PPID: variants seen among roughly 807,000 people sequenced by gnomAD.
The protein encoded by PPID is peptidyl-prolyl cis-trans isomerase D.
Under a neutral mutation model 48.1 loss-of-function variants are expected in PPID, and 47 were observed. The ratio of observed to expected loss-of-function variants is 0.98; its 90% CI spans 0.77 to 1.25. PPID has a LOEUF of 1.25. PPID is among the 50% of genes most tolerant of loss of function. PPID has a pLI of 0.00. For missense variants in PPID, 429 were observed against 443.5 expected (o/e 0.97, Z 0.29); for synonymous variants, 163 against 148.8 (o/e 1.10, Z -0.69).
At chr4:158,711,417 T>G in intron 7 of PPID, among the ~76,000 whole-genome samples, 1 of 150,704 alleles carries the variant, frequency 6.6e-6, no homozygotes. Flanking sequence ...AGAGACAGGG[T>G]TTCACCATGT....
intron 1 of PPID, 150 bp downstream of exon 1, chr4:158,723,054 G>A: frequency 1.3e-6 from 1 of 742,138 alleles, no homozygotes; most frequent in Admixed American, 2.2e-5. Flanking sequence ...TAGATCTCCG[G>A]GCCTGCTCCG....
At chr4:158,712,492 C>T (rs980914926) in intron 7 of PPID, among the ~76,000 whole-genome samples, 1 of 152,170 alleles carries the variant, frequency 6.6e-6, no homozygotes, top group African/African-American at 2.4e-5. Context: ...CACGGTGGCT[C>T]ACACCTGTAA....
chr4:158,719,317 T>C (rs1774918984), intron 2 of PPID, 31 bp from the exon 3 acceptor site: 8 of 1,401,094 alleles, frequency 5.7e-6, no homozygotes, highest in Admixed American at 3.4e-5. Context: ...TATTAGTGAC[T>C]GAGACATGGA....
In PPID at chr4:158,723,359, G is replaced by C. The variant is rs1477037464; in HGVS notation, c.-71C>G. 9 of 1,465,998 alleles carry C rather than the reference G, an allele frequency of 6.1e-6. No homozygotes were observed. The Admixed American group carries it at 1.1e-4, about 17-fold the overall frequency. The allele number at this position is 1,465,998 out of a possible 1,614,324, so 90.8% of individuals were successfully genotyped here. Reference sequence around the variant, plus strand: ...GGCCGCCCGGGCCGCCCAAACTCCAGAGTCCGTCTCCGCCGGAGACCGGCA... The same window carrying C: ...GGCCGCCCGGGCCGCCCAAACTCCACAGTCCGTCTCCGCCGGAGACCGGCA... On this transcript the variant is annotated 5_prime_UTR_variant, in exon 1 of 10. Coordinates refer to ENST00000307720, the MANE Select transcript of PPID (RefSeq NM_005038.3).
Position 158,713,163 on chromosome 4 carries a change from G to A in PPID, c.850C>T (p.Leu284=), listed in dbSNP as rs754707336. The change falls in exon 7 of 10, where the codon CTG becomes TTG. Residue 284 remains leucine, a synonymous_variant. Transcript: ENST00000307720. ...GCTCCCTGCCAATTTGACATCTTCA[G>A]TTTACAAGCACCAATATTCAGTACA... ...SCVLNIGACK[L]KMSNWQGAID... The A allele has an allele frequency of 2.5e-6, 4 of 1,614,054 alleles. No individual in the cohort carries two copies. The South Asian group carries it at 3.3e-5, about 13-fold the overall frequency.
Position 158,710,767 on chromosome 4 carries a change from C to T in PPID, c.976G>A (p.Ala326Thr), listed in dbSNP as rs1159307954. The change falls in exon 8 of 10, where the codon GCA (alanine) becomes ACA (threonine). Residue 326 changes from alanine (A) to threonine (T), a missense_variant. By Grantham distance (58) the Ala-to-Thr change is moderately conservative. Coordinates refer to ENST00000307720, the MANE Select transcript of PPID (RefSeq NM_005038.3). ...GWQGLKEYDQ[A>T]LADLKKAQGI... Reference sequence around the variant, plus strand: ...ACATTTGGAACAAAATTTACCAATGCTTGATCATATTCTTTTAATCCTTGC... The same window carrying T: ...ACATTTGGAACAAAATTTACCAATGTTTGATCATATTCTTTTAATCCTTGC... The T allele has an allele frequency of 1.2e-6, 2 of 1,613,248 alleles. No homozygotes were observed. The highest frequency in any genetic ancestry group is 1.3e-5 in the African/African-American group (1 of 74,888).
chr4:158,713,318 C>T (rs1158271493), intron 6 of PPID, 58 bp from the exon 7 acceptor site: 3 of 1,451,658 alleles, frequency 2.1e-6, no homozygotes, highest in Non-Finnish European at 2.8e-6. Flanking sequence ...AATTACTCTT[C>T]TCTATGTCCA....
chr4:158,714,411 C>T (rs1774835890), intron 6 of PPID, among the ~76,000 whole-genome samples: 1 of 152,104 alleles, frequency 6.6e-6, no homozygotes, highest in Non-Finnish European at 1.5e-5. Context: ...GAAACAAACA[C>T]ATACAGATGA....
intron 7 of PPID, 144 bp from the exon 8 acceptor site, chr4:158,710,992 A>G: frequency 1.4e-6 from 1 of 717,700 alleles, no homozygotes; most frequent in Non-Finnish European, 2.3e-6. Flanking sequence ...CTCCTCTGCC[A>G]GTGGGCACTA....
intron 7 of PPID, among the ~76,000 whole-genome samples, chr4:158,711,208 G>A (rs1203348221): frequency 1.3e-5 from 2 of 151,952 alleles, no homozygotes. Flanking sequence ...TAACTCTTAA[G>A]TTATAAACTC....
intron 9 of PPID, chr4:158,710,338 C>A: frequency 4.0e-6 from 2 of 496,134 alleles, no homozygotes; most frequent in Non-Finnish European, 7.2e-6. Flanking sequence ...TCAAAGGATA[C>A]CATAAGACAA....
chr4:158,723,283 C>A lies in PPID; in HGVS notation c.6G>T (p.Ser2=). The A allele has an allele frequency of 6.2e-7, 1 of 1,613,612 alleles. No homozygotes were observed. The highest frequency in any genetic ancestry group is 1.1e-5 in the South Asian group (1 of 91,074). M[S]HPSPQAKPSN... is the part of the protein sequence containing the mutation. ...AGGGCTTGGCTTGGGGGGACGGGTG[C>A]GACATCTTGACTTGCAGACGTGTTT... Residue 2 remains serine (S), a synonymous_variant, in exon 1 of 10, where the codon TCG becomes TCT. Coordinates refer to ENST00000307720, the MANE Select transcript of PPID (RefSeq NM_005038.3).
At position 158,719,291 on chromosome 4, in the gene PPID, A is replaced by C; in HGVS notation, c.227-5T>G. 6.4e-7 allele frequency: 1 copy of C among 1,559,828 alleles called. No individual in the cohort carries two copies. Among genetic ancestry groups the C allele is most frequent in the Non-Finnish European group, 8.8e-7 (1 of 1,131,820 alleles). On this transcript the variant is annotated splice_polypyrimidine_tract_variant and splice_region_variant and intron_variant, in intron 2 of 9. Coordinates refer to ENST00000307720, the MANE Select transcript of PPID (RefSeq NM_005038.3). ...GAATCATAAATTTCTTAATAACTACAAAAAAGGAAAATGGCTATTAGTGAC... is the reference window on the plus strand; with the variant it reads ...GAATCATAAATTTCTTAATAACTACCAAAAAGGAAAATGGCTATTAGTGAC...
Position 158,723,331 on chromosome 4 carries a change from A to G in PPID, c.-43T>C, listed in dbSNP as rs758349295. 13 of 1,587,130 alleles carry G rather than the reference A, an allele frequency of 8.2e-6. No homozygotes were observed. The highest frequency in any genetic ancestry group is 3.3e-5 in the South Asian group (3 of 90,222). ...TTTAGTACGGAATATCAGAGTACCT[A>G]GTGGCCGCCCGGGCCGCCCAAACTC... On this transcript the variant is annotated 5_prime_UTR_variant, in exon 1 of 10. Coordinates refer to ENST00000307720, the MANE Select transcript of PPID (RefSeq NM_005038.3).
intron 2 of PPID, among the ~76,000 whole-genome samples, chr4:158,720,989 C>T (rs902308139): frequency 1.3e-5 from 2 of 152,194 alleles, no homozygotes; most frequent in African/African-American, 4.8e-5. Flanking sequence ...GCTGGGATTA[C>T]AGGCGTGAGC....
At chr4:158,719,360 C>T (rs1001861849) in intron 2 of PPID, 74 bp from the exon 3 acceptor site, 12 of 947,660 alleles carry the variant, frequency 1.3e-5, no homozygotes, top group Middle Eastern at 2.1e-4. Context: ...TGGATACGTA[C>T]GTAAGACAAC....
intron 3 of PPID, 94 bp from the exon 4 acceptor site, chr4:158,717,294 CTG>C (rs1774888937): frequency 1.8e-6 from 2 of 1,140,112 alleles, no homozygotes; most frequent in East Asian, 2.6e-5. Flanking sequence ...GAACATAAAA[CTG>C]GGGTGCACTA....
At chr4:158,710,014 A>G (rs995216174) in intron 9 of PPID, 190 bp from the exon 10 acceptor site, 1 of 572,234 alleles carries the variant, frequency 1.7e-6, no homozygotes. Flanking sequence ...ATGTCAACTG[A>G]GAGAACTCAA....
chr4:158,712,652 G>A (rs1395911170), intron 7 of PPID, among the ~76,000 whole-genome samples: 1 of 152,180 alleles, frequency 6.6e-6, no homozygotes, highest in Non-Finnish European at 1.5e-5. Context: ...AGCTACTTGG[G>A]AGGATGAGGC....
Sources: allele counts gnomAD v4.1 joint callset (sites outside exome capture counted in the v4.1 genomes callset), GRCh38; gene constraint gnomAD v4.1.1; transcripts MANE v1.5; gene names NCBI Gene and HGNC (gene_info 2026-07-23, HGNC 2026-07-21).